The following ATF7 variants were observed in gnomAD, a reference collection of about 807,000 sequenced individuals.
ATF7 encodes activating transcription factor 7, also known as cyclic AMP-dependent transcription factor ATF-7.
A neutral mutation model predicts 50.4 loss-of-function variants in ATF7; 10 were observed. That is an observed-to-expected ratio of 0.20 (90% CI 0.12 to 0.34). ATF7 has a LOEUF of 0.34. Ranked by LOEUF, ATF7 falls within the 10% of genes least tolerant of loss-of-function variation. The pLI, the probability that ATF7 is intolerant of heterozygous loss-of-function variation, is 1.00. For synonymous variants in ATF7, 201 were observed against 226.4 expected (o/e 0.89, Z 1.01); for missense variants, 465 against 613.9 (o/e 0.76, Z 2.56).
At chr12:53,617,980 T>C (rs1944214177) in intron 1 of ATF7, among the ~76,000 whole-genome samples, 1 of 151,900 alleles carries the variant, frequency 6.6e-6, no homozygotes, top group Non-Finnish European at 1.5e-5. Flanking sequence ...AAACCCAACA[T>C]TCTTTCAACA....
intron 2 of ATF7, among the ~76,000 whole-genome samples, chr12:53,575,347 C>T (rs1942005555): frequency 6.7e-6 from 1 of 149,958 alleles, no homozygotes; most frequent in East Asian, 2.0e-4. Context: ...GCGGAGGCTG[C>T]GGTGAGCCGA....
chr12:53,607,353 G>A (rs986151736), intron 1 of ATF7, among the ~76,000 whole-genome samples: 6 of 152,064 alleles, frequency 3.9e-5, no homozygotes, highest in Non-Finnish European at 8.8e-5. Flanking sequence ...ATATTTAGAC[G>A]ATCTTTCTGG....
intron 2 of ATF7, among the ~76,000 whole-genome samples, chr12:53,563,880 C>G (rs1183588369): frequency 6.6e-6 from 1 of 152,202 alleles, no homozygotes; most frequent in Non-Finnish European, 1.5e-5. Flanking sequence ...TTTCACTGTT[C>G]AAATCAGTGA....
chr12:53,526,824 C>T (rs1308527491), intron 9 of ATF7, among the ~76,000 whole-genome samples: 1 of 151,922 alleles, frequency 6.6e-6, no homozygotes, highest in Non-Finnish European at 1.5e-5. Flanking sequence ...CTACTCCAGC[C>T]TGGGCGACAG....
chr12:53,532,619 G>A lies in ATF7; in HGVS notation c.665C>T (p.Ala222Val), dbSNP rs544146784. 17 of 1,595,396 alleles carry A rather than the reference G, an allele frequency of 1.1e-5. No individual in the cohort carries two copies. In the South Asian group the frequency reaches 1.4e-4, roughly 13 times the overall value. Residue 222 changes from alanine (A) to valine (V), a missense_variant, in exon 8 of 12, where the codon GCC becomes GTC. By Grantham distance (64) the Ala-to-Val change is moderately conservative. Transcript: ENST00000420353. Reference protein sequence around the residue: ...PVQMPSVISLARPVSMVPNIP... With the variant: ...PVQMPSVISLVRPVSMVPNIP... The stretch of plus-strand genomic sequence containing the variant: ...GTTGGGCACCATGGACACAGGTCTG[G>A]CCAGCTGGATCGAGAGAAGGAAAAA...
intron 2 of ATF7, among the ~76,000 whole-genome samples, chr12:53,569,429 G>A (rs1488068902): frequency 6.6e-6 from 1 of 152,060 alleles, no homozygotes; most frequent in Admixed American, 6.5e-5. Context: ...TACTTTCTCT[G>A]GGAAACTTCT....
downstream of ATF7, among the ~76,000 whole-genome samples, chr12:53,509,345 C>T (rs955130208): frequency 2.0e-5 from 3 of 151,534 alleles, no homozygotes; most frequent in Non-Finnish European, 3.0e-5. Context: ...AGACAGTCTT[C>T]GGACATATTT....
chr12:53,527,706 T>C (rs1258062390), intron 9 of ATF7, among the ~76,000 whole-genome samples: 1 of 151,552 alleles, frequency 6.6e-6, no homozygotes, highest in African/African-American at 2.4e-5. Flanking sequence ...TAGACCAGGA[T>C]GGAGGTTGCA....
chr12:53,527,916 A>G (rs937388496), intron 9 of ATF7, among the ~76,000 whole-genome samples: 4 of 151,940 alleles, frequency 2.6e-5, no homozygotes, highest in Admixed American at 1.3e-4. Context: ...ATCTTGGCTC[A>G]CTGTAACCTC....
Position 53,531,731 on chromosome 12 carries a change from AAGAGCCAC to A in ATF7, c.927+5_927+12del. On this transcript the variant is annotated splice_donor_5th_base_variant and intron_variant, in intron 9 of 11. Transcript: ENST00000420353. Reference sequence around the variant, plus strand: ...GTCATAAAGATATGACATAAAGAGTAAGAGCCACTGACCTGTGGCTGGGCAGGGGATGG... The same window carrying A: ...GTCATAAAGATATGACATAAAGAGTATGACCTGTGGCTGGGCAGGGGATGG... 1 of 1,606,424 alleles carries A rather than the reference AAGAGCCAC, an allele frequency of 6.2e-7. No individual in the cohort carries two copies. Among genetic ancestry groups the A allele is most frequent in the South Asian group, 1.1e-5 (1 of 89,702 alleles).
At chr12:53,546,604 A>G (rs1362725434) in intron 3 of ATF7, among the ~76,000 whole-genome samples, 3 of 151,624 alleles carry the variant, frequency 2.0e-5, no homozygotes, top group African/African-American at 4.8e-5. Context: ...GCATGCCACC[A>G]TGCCCGGCTA....
rs193167314 is a variant in ATF7 at position 53,535,008 on chromosome 12, C to G, written c.403-349G>C. Among the ~76,000 whole-genome samples the G allele has an allele frequency of 4.9e-4, 75 of 152,210 alleles. 1 individual carries two copies. In the East Asian group the frequency reaches 0.013, roughly 27 times the overall value. ...GATACTCTCATTCTAAACTTGATAC[C>G]AAGTGTCCTCTGAACTTCAGTGGGA... On this transcript the variant is annotated intron_variant, in intron 5 of 11. Transcript: ENST00000420353.
rs1565914889 is a variant in ATF7 at position 53,518,814 on chromosome 12, GCT to G, written c.1235-1462_1235-1461del. Among the ~76,000 whole-genome samples the G allele has an allele frequency of 2.6e-5, 4 of 152,156 alleles. No homozygotes were observed. In the East Asian group the frequency reaches 7.7e-4, roughly 29 times the overall value. ...TAATCCCAGCACTTTCAGAGGCCAA[GCT>G]GGGCGGATCAGGAGGTCAGGAGATC... is the stretch of plus-strand genomic sequence containing the variant. On this transcript the variant is annotated intron_variant, in intron 11 of 11. Transcript: ENST00000420353.
At chr12:53,548,755 A>G (rs556656267) in intron 3 of ATF7, among the ~76,000 whole-genome samples, 75 of 152,114 alleles carry the variant, frequency 4.9e-4, no homozygotes, top group African/African-American at 1.7e-3. Flanking sequence ...GGCTGAGGCA[A>G]GAGGGTTGCC....
Position 53,525,917 on chromosome 12 carries a change from G to A in ATF7, c.928-1156C>T, listed in dbSNP as rs183638461. Among the ~76,000 whole-genome samples, 257 of 152,228 alleles carry A rather than the reference G, an allele frequency of 1.7e-3. 1 individual carries two copies. The highest frequency in any genetic ancestry group is 4.6e-3 in the South Asian group (22 of 4,822). On this transcript the variant is annotated intron_variant, in intron 9 of 11. Coordinates refer to ENST00000420353, the MANE Select transcript of ATF7 (RefSeq NM_006856.3). Reference sequence around the variant, plus strand: ...CTTACATGCAGATTTAAAAAAATAAGTTATACCGACCAGCTGGGCATGGTG... The same window carrying A: ...CTTACATGCAGATTTAAAAAAATAAATTATACCGACCAGCTGGGCATGGTG...
chr12:53,563,580 G>A (rs866582247), intron 2 of ATF7, among the ~76,000 whole-genome samples: 11 of 152,200 alleles, frequency 7.2e-5, no homozygotes, highest in South Asian at 2.1e-4. Context: ...TTGTGCCATC[G>A]CACTCCAGCC....
chr12:53,532,339 G>T (rs1854088583), intron 8 of ATF7, among the ~76,000 whole-genome samples, 171 bp downstream of exon 8: 1 of 152,198 alleles, frequency 6.6e-6, no homozygotes, highest in Non-Finnish European at 1.5e-5. Context: ...GTGGGGAGAG[G>T]AGATGGGAGC....
intron 1 of ATF7, among the ~76,000 whole-genome samples, chr12:53,617,291 C>G (rs1201575217): frequency 6.6e-6 from 1 of 152,174 alleles, no homozygotes; most frequent in Non-Finnish European, 1.5e-5. Flanking sequence ...TAGGTGTGAA[C>G]TACTGTGCCC....
intron 1 of ATF7, among the ~76,000 whole-genome samples, chr12:53,601,347 A>G (rs1943394256): frequency 6.6e-6 from 1 of 152,224 alleles, no homozygotes; most frequent in African/African-American, 2.4e-5. Flanking sequence ...CCTTATGTCA[A>G]TAAATTCACT....
Sources: gnomAD v4.1 joint callset for allele counts (sites outside exome capture counted in the v4.1 genomes callset) on GRCh38, gnomAD v4.1.1 for gene constraint, MANE v1.5 for transcripts, NCBI Gene and HGNC (gene_info 2026-07-23, HGNC 2026-07-21) for gene names.